Variants in EPHB1 observed in about 807,000 individuals in gnomAD.
The protein encoded by EPHB1 is EPH receptor B1, also known as ephrin type-B receptor 1.
A neutral mutation model predicts 94.4 loss-of-function variants in EPHB1; 30 were observed. The observed-to-expected ratio is 0.32, with a 90% CI of 0.24 to 0.43. The LOEUF is 0.43. Among genes scored for constraint, EPHB1 ranks in the 20% least tolerant of loss-of-function variants. The pLI is 1.00. For synonymous variants in EPHB1, 522 were observed against 489.1 expected, an observed-to-expected ratio of 1.07 and a Z score of -0.89; for missense variants, 1,055 against 1,308.3, an observed-to-expected ratio of 0.81 and a Z score of 2.99.
intron 1 of EPHB1, among the ~76,000 whole-genome samples, chr3:134,811,431 G>A (rs12494279): frequency 0.028 from 4,216 of 151,830 alleles, 141 homozygotes; most frequent in African/African-American, 0.064. Flanking sequence ...TAGAGACGGG[G>A]TTTCACCATG....
chr3:135,167,614 T>C (rs1416325715), intron 9 of EPHB1, among the ~76,000 whole-genome samples: 1 of 152,242 alleles, frequency 6.6e-6, no homozygotes, highest in African/African-American at 2.4e-5. Flanking sequence ...TAAAGTTCCC[T>C]GTCACACTCA....
At position 135,106,491 on chromosome 3, in the gene EPHB1, C is replaced by T. The variant is rs2107798989; in HGVS notation, c.849C>T (p.Gly283=). Residue 283 remains glycine (G), a synonymous_variant, in exon 4 of 16, where the codon GGC becomes GGT. Transcript: ENST00000398015. ...TCAAGGCCAGCCAGGAAGCTGAAGGCTGCTCCCACTGCCCCTCCAACAGCC... is the reference window on the plus strand; with the variant it reads ...TCAAGGCCAGCCAGGAAGCTGAAGGTTGCTCCCACTGCCCCTCCAACAGCC... The part of the protein sequence containing the change: ...GTFKASQEAE[G]CSHCPSNSRS... 1 of 1,614,028 alleles carries T rather than the reference C, an allele frequency of 6.2e-7. No individual in the cohort carries two copies. Among genetic ancestry groups the T allele is most frequent in the Non-Finnish European group, 8.5e-7 (1 of 1,179,896 alleles).
rs146190367 is a variant in EPHB1, at chr3:134,894,771, G to A, written c.59-31045G>A. Among the ~76,000 whole-genome samples, 28 of 152,300 alleles carry A rather than the reference G, an allele frequency of 1.8e-4. No homozygotes were observed. In the East Asian group the frequency reaches 4.8e-3, roughly 26 times the overall value. ...ACATAGAAGGTAGGATTTTCTCTGC[G>A]TCCTCCTCGTGGTCACCTCTGATCT... On this transcript the variant is annotated intron_variant, in intron 1 of 15. Transcript: ENST00000398015.
At chr3:135,192,950 T>C in intron 11 of EPHB1, 127 bp downstream of exon 11, 2 of 1,268,358 alleles carry the variant, frequency 1.6e-6, no homozygotes, top group Middle Eastern at 2.4e-4. Context: ...GCATTGGAGA[T>C]GTTAGCAGAG....
intron 5 of EPHB1, among the ~76,000 whole-genome samples, chr3:135,146,731 G>A (rs1421680427): frequency 2.6e-5 from 4 of 152,144 alleles, no homozygotes; most frequent in African/African-American, 4.8e-5. Context: ...TGGCTTGGTC[G>A]ACATATTTAT....
chr3:134,890,738 T>C (rs2037962957), intron 1 of EPHB1, among the ~76,000 whole-genome samples: 1 of 152,228 alleles, frequency 6.6e-6, no homozygotes, highest in Non-Finnish European at 1.5e-5. Context: ...AGAAATAAAA[T>C]CTTTATGATG....
intron 1 of EPHB1, among the ~76,000 whole-genome samples, chr3:134,923,794 G>A (rs568674490): frequency 6.6e-6 from 1 of 152,092 alleles, no homozygotes; most frequent in Non-Finnish European, 1.5e-5. Flanking sequence ...CCAAGATTTT[G>A]TGACTCTGCA....
chr3:135,241,353 C>T, intron 13 of EPHB1, 56 bp downstream of exon 13: 1 of 1,601,174 alleles, frequency 6.2e-7, no homozygotes, highest in Non-Finnish European at 8.5e-7. Context: ...ATCCCAAAGG[C>T]AGTAGCATAC....
chr3:134,865,149 G>A lies in EPHB1; in HGVS notation c.59-60667G>A, dbSNP rs75203656. ...TTTCTGGATAGATATCTATATATCTGAAACAAAATTCCCAAAACAATGCTT... is the reference window on the plus strand; with the variant it reads ...TTTCTGGATAGATATCTATATATCTAAAACAAAATTCCCAAAACAATGCTT... On this transcript the variant is annotated intron_variant, in intron 1 of 15. Transcript: ENST00000398015. Among the ~76,000 whole-genome samples, 1,177 of 152,172 alleles carry A rather than the reference G, an allele frequency of 7.7e-3. 16 individuals carry two copies. The highest frequency in any genetic ancestry group is 0.027 in the African/African-American group (1,130 of 41,514).
At chr3:134,984,145 G>A (rs1291398267) in intron 3 of EPHB1, among the ~76,000 whole-genome samples, 1 of 152,202 alleles carries the variant, frequency 6.6e-6, no homozygotes, top group African/African-American at 2.4e-5. Context: ...AACTAGAGTA[G>A]AACCCCTGAC....
At chr3:134,812,659 G>A (rs2036198629) in intron 1 of EPHB1, among the ~76,000 whole-genome samples, 2 of 152,184 alleles carry the variant, frequency 1.3e-5, no homozygotes, top group African/African-American at 4.8e-5. Context: ...TAAGTGTAAG[G>A]TTAACTTGGT....
chr3:135,018,439 C>T (rs1053153947), intron 3 of EPHB1, among the ~76,000 whole-genome samples: 5 of 152,068 alleles, frequency 3.3e-5, no homozygotes, highest in Admixed American at 1.3e-4. Context: ...AAAATGCTGC[C>T]CTCCCTTTCT....
At chr3:135,057,629 C>T (rs767179190) in intron 3 of EPHB1, among the ~76,000 whole-genome samples, 1 of 152,170 alleles carries the variant, frequency 6.6e-6, no homozygotes, top group Non-Finnish European at 1.5e-5. Flanking sequence ...TGGCTACTCT[C>T]ACTTTTTTGC....
chr3:134,857,596 G>C (rs1312959802), intron 1 of EPHB1, among the ~76,000 whole-genome samples: 1 of 151,384 alleles, frequency 6.6e-6, no homozygotes, highest in Non-Finnish European at 1.5e-5. Flanking sequence ...TGGTTGATTG[G>C]GGGTGAAGGT....
At chr3:135,248,279 T>C (rs759051567) in intron 13 of EPHB1, 37 bp from the exon 14 acceptor site, 1 of 1,489,336 alleles carries the variant, frequency 6.7e-7, no homozygotes, top group East Asian at 2.4e-5. Flanking sequence ...CTGGTGGCAG[T>C]CACTCAATCA....
At chr3:135,201,079 G>A (rs1942740335) in intron 11 of EPHB1, among the ~76,000 whole-genome samples, 1 of 152,068 alleles carries the variant, frequency 6.6e-6, no homozygotes, top group African/African-American at 2.4e-5. Context: ...GCAATGGGAG[G>A]CTATTAGATA....
intron 3 of EPHB1, among the ~76,000 whole-genome samples, chr3:134,994,613 G>A (rs1464740217): frequency 6.6e-6 from 1 of 152,056 alleles, no homozygotes; most frequent in Non-Finnish European, 1.5e-5. Context: ...TTTTAGAACT[G>A]AGGTCTTACT....
At chr3:134,964,506 A>T (rs1933654485) in intron 3 of EPHB1, among the ~76,000 whole-genome samples, 1 of 152,228 alleles carries the variant, frequency 6.6e-6, no homozygotes, top group South Asian at 2.1e-4. Context: ...CACAAGATGG[A>T]TAGAGCTTCT....
At chr3:135,110,887 C>T (rs1939416693) in intron 4 of EPHB1, among the ~76,000 whole-genome samples, 1 of 152,116 alleles carries the variant, frequency 6.6e-6, no homozygotes, top group African/African-American at 2.4e-5. Flanking sequence ...GGGGTGGTGT[C>T]CCTGTGGCAT....
Sources: allele counts gnomAD v4.1 joint callset (sites outside exome capture counted in the v4.1 genomes callset), GRCh38; gene constraint gnomAD v4.1.1; transcripts MANE v1.5; gene names NCBI Gene and HGNC (gene_info 2026-07-23, HGNC 2026-07-21).